Variants in ERC1 observed in about 807,000 individuals in gnomAD.
ERC1 encodes RAB6 interacting protein 2.
In ERC1, 56 loss-of-function variants were observed where a neutral mutation model predicts 132.0. That is an observed-to-expected ratio of 0.42 (90% CI 0.34 to 0.53). The LOEUF is 0.53. Among genes scored for constraint, ERC1 ranks in the 20% least tolerant of loss-of-function variants. The pLI, the probability that ERC1 is intolerant of heterozygous loss-of-function variation, is 0.03. For missense variants in ERC1, 1,202 were observed against 1,349.9 expected, an observed-to-expected ratio of 0.89 and a Z score of 1.72; for synonymous variants, 478 against 476.1, an observed-to-expected ratio of 1.00 and a Z score of -0.05.
chr12:1,236,554 C>T (rs760943660), intron 12 of ERC1, among the ~76,000 whole-genome samples: 5 of 152,250 alleles, frequency 3.3e-5, no homozygotes, highest in Non-Finnish European at 7.4e-5. Context: ...AGAATACATG[C>T]TGAAATACAT....
chr12:1,387,441 C>T (rs934664508), intron 16 of ERC1, among the ~76,000 whole-genome samples: 7 of 152,200 alleles, frequency 4.6e-5, no homozygotes, highest in Non-Finnish European at 8.8e-5. Flanking sequence ...TGTCCACGTC[C>T]AGTTTCTATA....
At chr12:997,433 A>G (rs1050110974) in intron 1 of ERC1, among the ~76,000 whole-genome samples, 1 of 152,232 alleles carries the variant, frequency 6.6e-6, no homozygotes, top group Non-Finnish European at 1.5e-5. Flanking sequence ...TGCTAGCATA[A>G]TAATGTGAAT....
At position 1,006,434 on chromosome 12, in the gene ERC1, G is replaced by A. The variant is rs545527862; in HGVS notation, c.-157+15112G>A. On this transcript the variant is annotated intron_variant, in intron 1 of 18. Transcript: ENST00000360905. ...TGTTTTTGAGACAGAGTGTTACTCT[G>A]TCACCTAGGCGCAATTTCAGCTCAC... 2.0e-5 allele frequency among the ~76,000 whole-genome samples: 3 copies of A among 152,086 alleles called. No homozygotes were observed. The East Asian group carries it at 5.8e-4, about 29-fold the overall frequency.
intron 18 of ERC1, among the ~76,000 whole-genome samples, chr12:1,458,871 CACTT>C (rs1161691509): frequency 6.6e-6 from 1 of 152,220 alleles, no homozygotes; most frequent in Non-Finnish European, 1.5e-5. Context: ...ACAGAGAGCT[CACTT>C]ACTACTCAAA....
intron 14 of ERC1, among the ~76,000 whole-genome samples, chr12:1,269,774 A>G: frequency 6.6e-6 from 1 of 152,188 alleles, no homozygotes; most frequent in East Asian, 1.9e-4. Flanking sequence ...TATCCCTGAA[A>G]TTGATCTGCT....
intron 14 of ERC1, among the ~76,000 whole-genome samples, chr12:1,284,265 CGTGTGTGTGT>C (rs71055142): frequency 1.3e-3 from 189 of 140,186 alleles, no homozygotes; most frequent in African/African-American, 2.8e-3. Flanking sequence ...GAATAGTATT[CGTGTGTGTGT>C]GTGTGTGTGT....
rs2094321786 is a variant in ERC1, at chr12:1,491,884, C to G, written c.*1654C>G. 4.3e-6 allele frequency: 1 copy of G among 232,634 alleles called. No individual in the cohort carries two copies. The highest frequency in any genetic ancestry group is 8.5e-6 in the Non-Finnish European group (1 of 117,748). The allele number at this position is 232,634 out of a possible 1,614,324, so 14.4% of individuals were successfully genotyped here. ...CCCAAATCTAGTTCTTTGACCACCTCTACCACCAGAACCCAGCAGACACTC... is the reference window on the plus strand; with the variant it reads ...CCCAAATCTAGTTCTTTGACCACCTGTACCACCAGAACCCAGCAGACACTC... On this transcript the variant is annotated 3_prime_UTR_variant, in exon 19 of 19. Coordinates refer to ENST00000360905, the MANE Select transcript of ERC1 (RefSeq NM_178040.4).
intron 8 of ERC1, among the ~76,000 whole-genome samples, chr12:1,145,268 C>T (rs2968891): frequency 0.06 from 9,098 of 152,110 alleles, 840 homozygotes; most frequent in African/African-American, 0.21. Flanking sequence ...CCACCCGCCT[C>T]GGCCTCCCAA....
intron 12 of ERC1, among the ~76,000 whole-genome samples, chr12:1,207,787 A>G (rs1957479169): frequency 6.6e-6 from 1 of 152,236 alleles, no homozygotes; most frequent in Admixed American, 6.5e-5. Context: ...AATCAGCTGA[A>G]GATGGCAAAT....
At chr12:1,064,018 C>T (rs948702205) in intron 2 of ERC1, among the ~76,000 whole-genome samples, 4 of 152,142 alleles carry the variant, frequency 2.6e-5, no homozygotes, top group Non-Finnish European at 4.4e-5. Context: ...CTTTATTTCT[C>T]CTTCATTTCT....
At chr12:1,192,429 T>G (rs1466859492) in intron 12 of ERC1, among the ~76,000 whole-genome samples, 1 of 152,232 alleles carries the variant, frequency 6.6e-6, no homozygotes, top group East Asian at 1.9e-4. Flanking sequence ...TTACTAATCA[T>G]TTGCTTCCTA....
At chr12:1,261,129 C>T (rs2077116742) in intron 13 of ERC1, among the ~76,000 whole-genome samples, 1 of 152,138 alleles carries the variant, frequency 6.6e-6, no homozygotes, top group African/African-American at 2.4e-5. Context: ...AGCCACAAAG[C>T]TATTTTTGCC....
chr12:1,120,681 A>G (rs1027495390), intron 7 of ERC1, among the ~76,000 whole-genome samples: 1 of 152,218 alleles, frequency 6.6e-6, no homozygotes, highest in Non-Finnish European at 1.5e-5. Context: ...AAAATAATGT[A>G]CACCTTACTG....
At chr12:1,334,284 ATCC>A (rs1308526070) in intron 15 of ERC1, among the ~76,000 whole-genome samples, 2 of 152,186 alleles carry the variant, frequency 1.3e-5, no homozygotes, top group Non-Finnish European at 2.9e-5. Context: ...TGCTTTTGGC[ATCC>A]TCATTATAAA....
intron 1 of ERC1, among the ~76,000 whole-genome samples, chr12:995,807 A>C (rs1960713807): frequency 6.6e-6 from 1 of 152,142 alleles, no homozygotes; most frequent in South Asian, 2.1e-4. Flanking sequence ...CCTTCTAGAT[A>C]CGTGAGGGGA....
At chr12:1,343,982 C>G (rs778911749) in intron 15 of ERC1, among the ~76,000 whole-genome samples, 2 of 152,202 alleles carry the variant, frequency 1.3e-5, no homozygotes, top group South Asian at 4.2e-4. Context: ...GCTGGGACTA[C>G]AGGCACCCAC....
chr12:1,222,454 A>T (rs548032030), intron 12 of ERC1, among the ~76,000 whole-genome samples: 1 of 152,078 alleles, frequency 6.6e-6, no homozygotes, highest in African/African-American at 2.4e-5. Flanking sequence ...ATCTCAAGTG[A>T]TCCACCCATC....
At chr12:1,025,767 C>G (rs1306250025) in intron 1 of ERC1, among the ~76,000 whole-genome samples, 1 of 151,758 alleles carries the variant, frequency 6.6e-6, no homozygotes, top group African/African-American at 2.4e-5. Flanking sequence ...ACAGACATAC[C>G]CGAGACTAGG....
intron 2 of ERC1, among the ~76,000 whole-genome samples, chr12:1,034,012 A>T (rs1298821235): frequency 1.3e-5 from 2 of 152,184 alleles, no homozygotes; most frequent in Non-Finnish European, 1.5e-5. Context: ...TTTGTGGTTA[A>T]GTATCAATAT....
Sources: allele counts gnomAD v4.1 joint callset (sites outside exome capture counted in the v4.1 genomes callset), GRCh38; gene constraint gnomAD v4.1.1; transcripts MANE v1.5; gene names NCBI Gene and HGNC (gene_info 2026-07-23, HGNC 2026-07-21).